The following EVC2 variants were observed in gnomAD, a reference collection of about 807,000 sequenced individuals.
EVC2 encodes the protein EvC ciliary complex subunit 2.
Under a neutral mutation model 149.3 loss-of-function variants are expected in EVC2, and 148 were observed. The observed-to-expected ratio is 0.99, with a 90% CI of 0.87 to 1.14. EVC2 has a LOEUF of 1.14. Ranked by LOEUF, EVC2 falls within the 50% of genes most tolerant of loss-of-function variation. EVC2 has a pLI of 0.00. For synonymous variants in EVC2, 776 were observed against 649.9 expected (o/e 1.19, Z -2.95); for missense variants, 1,854 against 1,627.3 (o/e 1.14, Z -2.40).
chr4:5,708,811 C>T, upstream of EVC2: 1 of 304,044 alleles, frequency 3.3e-6, no homozygotes, highest in Middle Eastern at 9.0e-4. Flanking sequence ...CCCCAAGGGC[C>T]CCTCCGCTAC....
chr4:5,678,164 T>G (rs1194126885), intron 7 of EVC2, among the ~76,000 whole-genome samples: 1 of 152,212 alleles, frequency 6.6e-6, no homozygotes, highest in African/African-American at 2.4e-5. Context: ...AGTGGCTCTC[T>G]GTTTTCAAAC....
chr4:5,673,484 G>GT (rs1361234279), intron 7 of EVC2, among the ~76,000 whole-genome samples: 1 of 152,182 alleles, frequency 6.6e-6, no homozygotes, highest in East Asian at 1.9e-4. Context: ...GAGAATCACT[G>GT]TAAGTACAGA....
chr4:5,596,426 C>A (rs982032853), intron 16 of EVC2, among the ~76,000 whole-genome samples: 1 of 152,036 alleles, frequency 6.6e-6, no homozygotes, highest in Non-Finnish European at 1.5e-5. Context: ...CACTCAAAAC[C>A]GCTCAACTAC....
At chr4:5,571,372 G>A (rs1055653315) in intron 19 of EVC2, among the ~76,000 whole-genome samples, 3 of 150,060 alleles carry the variant, frequency 2.0e-5, no homozygotes, top group African/African-American at 7.4e-5. Flanking sequence ...CTGTTCAGGT[G>A]GTGGGTGCAC....
At chr4:5,708,663 G>A (rs1348477942), upstream of EVC2, 3 of 554,934 alleles carry the variant, frequency 5.4e-6, no homozygotes, top group Non-Finnish European at 5.8e-6. Flanking sequence ...GGGCTTGGCG[G>A]GCCAGGAGGT....
At position 5,689,250 on chromosome 4, in the gene EVC2, A is replaced by G. The variant is rs773128225; in HGVS notation, c.613T>C (p.Leu205=). Residue 205 remains leucine (L), a synonymous_variant, in exon 5 of 22, where the codon TTG becomes CTG. Coordinates refer to ENST00000344408, the MANE Select transcript of EVC2 (RefSeq NM_147127.5). ...TSSANLSELL[L]LDSIAGLTIW... ...GTGAGACCAGCAATGCTGTCCAGCA[A>G]GAGCAGCTCCGAGAGGTTGGCTGAC... The G allele has an allele frequency of 1.9e-6, 3 of 1,614,230 alleles. No homozygotes were observed. The highest frequency in any genetic ancestry group is 2.5e-6 in the Non-Finnish European group (3 of 1,180,048).
At chr4:5,651,591 C>G (rs1718151987) in intron 9 of EVC2, among the ~76,000 whole-genome samples, 1 of 152,150 alleles carries the variant, frequency 6.6e-6, no homozygotes, top group Admixed American at 6.5e-5. Flanking sequence ...AAAGTGTGCT[C>G]TACCTGAAGG....
In EVC2 at chr4:5,633,824, C is replaced by T. The variant is rs947269868; in HGVS notation, c.1471-1792G>A. ...TCTCTGGTTTCAGTAAATAGCATCA[C>T]TTGCTCCCCAATTTCCCAAGTCACA... is the stretch of plus-strand genomic sequence containing the variant. On this transcript the variant is annotated intron_variant, in intron 10 of 21. Coordinates refer to ENST00000344408, the MANE Select transcript of EVC2 (RefSeq NM_147127.5). This position sits in a 1 kb window ranked among gnomAD's most constrained non-coding sequence, Gnocchi z 4.4. Among the ~76,000 whole-genome samples the T allele has an allele frequency of 1.3e-5, 2 of 152,252 alleles. No homozygotes were observed. The highest frequency in any genetic ancestry group is 1.5e-5 in the Non-Finnish European group (1 of 68,048).
intron 1 of EVC2, among the ~76,000 whole-genome samples, chr4:5,705,203 G>A (rs576516948): frequency 1.1e-3 from 161 of 152,262 alleles, no homozygotes; most frequent in African/African-American, 3.3e-3. Context: ...GTAAAATAAC[G>A]AAATGATACT....
chr4:5,628,641 G>A lies in EVC2; in HGVS notation c.1804C>T (p.Leu602Phe), dbSNP rs770095404. Residue 602 changes from leucine (L) to phenylalanine (F), a missense_variant, in exon 12 of 22, where the codon CTC becomes TTC. Transcript: ENST00000344408. Reference sequence around the variant, plus strand: ...TGCACACGGGTCTCTGATGACTGGAGGTTCTGGACCAGATATTCCCTGTGG... The same window carrying A: ...TGCACACGGGTCTCTGATGACTGGAAGTTCTGGACCAGATATTCCCTGTGG... The part of the protein sequence containing the change: ...FGHREYLVQN[L>F]QSSETRVQGL... 9 of 1,613,916 alleles carry A rather than the reference G, an allele frequency of 5.6e-6. No individual in the cohort carries two copies. The highest frequency in any genetic ancestry group is 4.4e-5 in the South Asian group (4 of 91,062).
intron 21 of EVC2, among the ~76,000 whole-genome samples, chr4:5,564,722 C>G (rs551392680): frequency 5.0e-4 from 76 of 152,358 alleles, no homozygotes; most frequent in Non-Finnish European, 8.4e-4. Flanking sequence ...CTGCCCCTCA[C>G]TTCCCTCTGT....
intron 16 of EVC2, among the ~76,000 whole-genome samples, chr4:5,609,667 A>G (rs1714672524): frequency 6.6e-6 from 1 of 152,204 alleles, no homozygotes; most frequent in South Asian, 2.1e-4. Flanking sequence ...CACTGTCACA[A>G]GCCACATTTC....
chr4:5,573,783 C>T (rs1326888569), intron 19 of EVC2, among the ~76,000 whole-genome samples: 1 of 152,166 alleles, frequency 6.6e-6, no homozygotes, highest in East Asian at 1.9e-4. Context: ...GCGCCCTAAC[C>T]CCTCCTTCCT....
intron 18 of EVC2, 123 bp from the exon 19 acceptor site, chr4:5,574,895 A>G (rs1388250300): frequency 2.0e-6 from 2 of 998,244 alleles, no homozygotes; most frequent in East Asian, 5.2e-5. Context: ...AAATATGTCC[A>G]TAGAAAGAGA....
At chr4:5,553,671 T>A (rs1721781540) in intron 21 of EVC2, among the ~76,000 whole-genome samples, 2 of 152,236 alleles carry the variant, frequency 1.3e-5, no homozygotes, top group South Asian at 4.1e-4. Flanking sequence ...TCTGTCAATA[T>A]ACTAAAGTGT....
chr4:5,604,780 A>G (rs116561445), intron 16 of EVC2, among the ~76,000 whole-genome samples: 1,670 of 152,086 alleles, frequency 0.011, 8 homozygotes, highest in Non-Finnish European at 0.017. Context: ...TATACATCCT[A>G]TGTATGTAAC....
At chr4:5,588,350 A>C (rs1712483504) in intron 16 of EVC2, among the ~76,000 whole-genome samples, 2 of 152,166 alleles carry the variant, frequency 1.3e-5, no homozygotes, top group African/African-American at 4.8e-5. Flanking sequence ...GAGCAATTTG[A>C]TTATGATGCA....
At chr4:5,685,857 G>A (rs370655958) in intron 5 of EVC2, among the ~76,000 whole-genome samples, 1 of 152,212 alleles carries the variant, frequency 6.6e-6, no homozygotes. Flanking sequence ...GGGAGAGGCT[G>A]TACCAGGACT....
downstream of EVC2, among the ~76,000 whole-genome samples, chr4:5,558,200 G>A (rs1036126410): frequency 5.3e-5 from 8 of 152,168 alleles, no homozygotes; most frequent in African/African-American, 1.9e-4. Flanking sequence ...TGGTATTGGT[G>A]AAGGAACAGG....
Sources: gnomAD v4.1 joint callset for allele counts (sites outside exome capture counted in the v4.1 genomes callset) on GRCh38, gnomAD v4.1.1 for gene constraint, Gnocchi (gnomAD v3.1) non-coding constraint, MANE v1.5 for transcripts, NCBI Gene and HGNC (gene_info 2026-07-23, HGNC 2026-07-21) for gene names.